The following PYHIN1 variants were observed in gnomAD, a reference collection of about 807,000 sequenced individuals.
PYHIN1 encodes pyrin and HIN domain family member 1, also known as pyrin and HIN domain-containing protein 1.
A neutral mutation model predicts 43.7 loss-of-function variants in PYHIN1; 32 were observed. The observed-to-expected ratio is 0.73, with a 90% confidence interval of 0.55 to 0.98. The LOEUF (loss-of-function observed/expected upper bound fraction) is 0.98. PYHIN1 is among the 50% of genes least tolerant of loss of function. The pLI, the probability that PYHIN1 is intolerant of heterozygous loss-of-function variation, is 0.00. For synonymous variants in PYHIN1, 205 were observed against 203.1 expected (o/e 1.01, Z -0.08); for missense variants, 588 against 589.5 (o/e 1.00, Z 0.03).
At chr1:158,957,526 T>C (rs934450326) in intron 7 of PYHIN1, among the ~76,000 whole-genome samples, 3 of 151,060 alleles carry the variant, frequency 2.0e-5, no homozygotes, top group Non-Finnish European at 4.4e-5. Flanking sequence ...ATTTAATAAA[T>C]GGTGCTGGGA....
At chr1:158,951,759 T>A (rs1239273553) in intron 7 of PYHIN1, among the ~76,000 whole-genome samples, 1 of 152,184 alleles carries the variant, frequency 6.6e-6, no homozygotes, top group African/African-American at 2.4e-5. Context: ...ATCAGGAATT[T>A]TTTTTTCTAC....
chr1:158,975,639 C>T (rs1557847739), intron 8 of PYHIN1, among the ~76,000 whole-genome samples: 1 of 152,078 alleles, frequency 6.6e-6, no homozygotes, highest in Non-Finnish European at 1.5e-5. Context: ...CAATACACCT[C>T]TTATGAGCAC....
chr1:158,985,619 A>G, the PYHIN1 span, among the ~76,000 whole-genome samples: 1 of 152,126 alleles, frequency 6.6e-6, no homozygotes, highest in African/African-American at 2.4e-5. Context: ...GAATTGGATA[A>G]CTATGTGTCT....
chr1:158,980,920 C>T (rs1651463674), downstream of PYHIN1, among the ~76,000 whole-genome samples: 1 of 152,094 alleles, frequency 6.6e-6, no homozygotes, highest in Non-Finnish European at 1.5e-5. Flanking sequence ...ACTTGCTGGT[C>T]TGAGACTCAG....
intron 8 of PYHIN1, among the ~76,000 whole-genome samples, chr1:158,974,086 C>A (rs559804689): frequency 2.0e-5 from 3 of 152,158 alleles, no homozygotes; most frequent in Admixed American, 2.0e-4. Flanking sequence ...ACCTTCTATT[C>A]CAGTTTCCTT....
chr1:158,936,918 A>G lies in PYHIN1; in HGVS notation c.8A>G (p.Asn3Ser), dbSNP rs1648581608. 1.3e-6 allele frequency: 2 copies of G among 1,579,410 alleles called. No homozygotes were observed. The highest frequency in any genetic ancestry group is 1.7e-6 in the Non-Finnish European group (2 of 1,165,340). Residue 3 changes from asparagine (N) to serine (S), a missense_variant, in exon 2 of 9, where the codon AAT becomes AGT. Asn to Ser is a conservative substitution (Grantham distance 46). Transcript: ENST00000368140. ...TCACTTATATCTTTAGAGATGGCAA[A>G]TAACTACAAGAAAATTGTTCTACTG... MA[N>S]NYKKIVLLKG...
chr1:158,955,164 C>T (rs1649838392), intron 7 of PYHIN1, among the ~76,000 whole-genome samples: 1 of 152,034 alleles, frequency 6.6e-6, no homozygotes, highest in South Asian at 2.1e-4. Flanking sequence ...GAGACTTTAA[C>T]ACCCCACTGT....
intron 7 of PYHIN1, among the ~76,000 whole-genome samples, chr1:158,954,750 A>C (rs1466787177): frequency 1.3e-5 from 2 of 151,158 alleles, no homozygotes; most frequent in African/African-American, 2.4e-5. Context: ...CATACATAAC[A>C]ATATTAACTT....
In PYHIN1 at chr1:158,933,235, A is replaced by AAT. The variant is rs923016051; in HGVS notation, c.-21+1468_-21+1469dup. Reference sequence around the variant, plus strand: ...TTCCAAACATAAACATACACATATAAATATATATATTTGTGGCACCGTGTA... The same window carrying AAT: ...TTCCAAACATAAACATACACATATAAATATATATATATTTGTGGCACCGTGTA... On this transcript the variant is annotated intron_variant, in intron 1 of 8. Transcript: ENST00000368140. The surrounding 1 kb of genome is among the most constrained non-coding windows in gnomAD (Gnocchi z 6.3). Among the ~76,000 whole-genome samples, 1 of 151,594 alleles carries AAT rather than the reference A, an allele frequency of 6.6e-6. No homozygotes were observed. The highest frequency in any genetic ancestry group is 1.5e-5 in the Non-Finnish European group (1 of 67,832).
intron 7 of PYHIN1, among the ~76,000 whole-genome samples, chr1:158,945,991 C>T (rs1208970523): frequency 1.3e-5 from 2 of 152,182 alleles, no homozygotes; most frequent in African/African-American, 4.8e-5. Flanking sequence ...GGATTCATAT[C>T]CAGCCCTATT....
At chr1:158,990,435 T>A in the PYHIN1 span, among the ~76,000 whole-genome samples, 1 of 152,246 alleles carries the variant, frequency 6.6e-6, no homozygotes, top group East Asian at 1.9e-4. Flanking sequence ...TACAATATGA[T>A]GTTTTGAAGT....
intron 4 of PYHIN1, 28 bp from the exon 5 acceptor site, chr1:158,941,949 T>C (rs1296291832): frequency 6.5e-7 from 1 of 1,536,930 alleles, no homozygotes; most frequent in South Asian, 1.3e-5. Context: ...AAAATTTCTT[T>C]TTTGTATTCC....
chr1:158,986,664 C>G, the PYHIN1 span, among the ~76,000 whole-genome samples: 1 of 152,190 alleles, frequency 6.6e-6, no homozygotes, highest in African/African-American at 2.4e-5. Flanking sequence ...CAGCCCCACC[C>G]TTTGAGCAGA....
downstream of PYHIN1, among the ~76,000 whole-genome samples, chr1:158,979,528 A>G (rs1651416942): frequency 1.3e-5 from 2 of 152,182 alleles, no homozygotes; most frequent in African/African-American, 4.8e-5. Context: ...AAAGAATAAC[A>G]TTCCATTATA....
At chr1:158,934,082 G>C (rs143135853) in intron 1 of PYHIN1, among the ~76,000 whole-genome samples, 19 of 152,154 alleles carry the variant, frequency 1.2e-4, no homozygotes, top group African/African-American at 4.3e-4. Flanking sequence ...GACAAGATGA[G>C]AGCATTTCTT....
At chr1:158,965,557 A>G (rs1457918619) in intron 7 of PYHIN1, among the ~76,000 whole-genome samples, 1 of 152,200 alleles carries the variant, frequency 6.6e-6, no homozygotes, top group Non-Finnish European at 1.5e-5. Flanking sequence ...CTCAGAACAC[A>G]GTGCATAAAA....
chr1:158,986,306 G>C, the PYHIN1 span, among the ~76,000 whole-genome samples: 3 of 152,162 alleles, frequency 2.0e-5, no homozygotes, highest in Admixed American at 6.5e-5. Flanking sequence ...ATGTCCTTGA[G>C]TGTCTAGCTG....
intron 7 of PYHIN1, among the ~76,000 whole-genome samples, chr1:158,959,708 T>C (rs1650214093): frequency 6.6e-6 from 1 of 152,242 alleles, no homozygotes; most frequent in Non-Finnish European, 1.5e-5. Context: ...CCTTCATTTA[T>C]GAGTTTCCTA....
At chr1:158,979,757 GGCTACATGTGCAGGTTTGTTACATCAA>G, downstream of PYHIN1, among the ~76,000 whole-genome samples, 1 of 151,876 alleles carries the variant, frequency 6.6e-6, no homozygotes. Context: ...TAGATTTAGG[GGCTACATGTGCAGGTTTGTTACATCAA>G]TACATTACAT....
Sources: gnomAD v4.1 joint callset for allele counts (sites outside exome capture counted in the v4.1 genomes callset) on GRCh38, gnomAD v4.1.1 for gene constraint, Gnocchi (gnomAD v3.1) non-coding constraint, MANE v1.5 for transcripts, NCBI Gene and HGNC (gene_info 2026-07-23, HGNC 2026-07-21) for gene names.